NARS2: variants seen among roughly 807,000 people sequenced by gnomAD.
NARS2 encodes asparaginyl-tRNA synthetase 2, mitochondrial, also known as asparaginyl-tRNA synthetase.
Under a neutral mutation model 62.9 loss-of-function variants are expected in NARS2, and 60 were observed. The ratio of observed to expected loss-of-function variants is 0.95; its 90% CI spans 0.77 to 1.18. The LOEUF (loss-of-function observed/expected upper bound fraction) is 1.18. Among genes scored for constraint, NARS2 ranks in the 50% most tolerant of loss-of-function variants. NARS2 has a pLI of 0.00. For missense variants in NARS2, 619 were observed against 576.4 expected (o/e 1.07, Z -0.76); for synonymous variants, 196 against 200.0 (o/e 0.98, Z 0.17).
At chr11:78,442,968 TGTCCTTATAG>T (rs1857620686) in intron 12 of NARS2, among the ~76,000 whole-genome samples, 1 of 152,216 alleles carries the variant, frequency 6.6e-6, no homozygotes, top group Non-Finnish European at 1.5e-5. Context: ...TTTGTCTTTA[TGTCCTTATAG>T]AAGTCTGCCA....
intron 6 of NARS2, among the ~76,000 whole-genome samples, chr11:78,505,776 C>G (rs939234035): frequency 2.0e-5 from 3 of 151,988 alleles, no homozygotes; most frequent in African/African-American, 7.2e-5. Flanking sequence ...TATAAAATCC[C>G]TAGGAAAAAA....
intron 13 of NARS2, among the ~76,000 whole-genome samples, 174 bp downstream of exon 13, chr11:78,440,917 C>T (rs1429887632): frequency 6.6e-6 from 1 of 152,146 alleles, no homozygotes; most frequent in African/African-American, 2.4e-5. Flanking sequence ...TTTTCAAGAA[C>T]CCAAAGGAAG....
chr11:78,514,816 A>G (rs1860844986), intron 6 of NARS2, among the ~76,000 whole-genome samples: 1 of 152,228 alleles, frequency 6.6e-6, no homozygotes, highest in Non-Finnish European at 1.5e-5. Context: ...CACATTAGAC[A>G]GAGACACTAA....
At chr11:78,544,451 C>T (rs183394223) in intron 5 of NARS2, among the ~76,000 whole-genome samples, 14 of 152,216 alleles carry the variant, frequency 9.2e-5, no homozygotes, top group African/African-American at 3.4e-4. Flanking sequence ...AATGCATCTT[C>T]CATGTAAATC....
intron 5 of NARS2, among the ~76,000 whole-genome samples, chr11:78,531,864 T>C (rs1437027003): frequency 6.6e-6 from 1 of 152,058 alleles, no homozygotes; most frequent in Non-Finnish European, 1.5e-5. Flanking sequence ...AGAGTCATGG[T>C]TTGTGTAGAG....
chr11:78,447,084 G>A (rs182336393), intron 11 of NARS2, among the ~76,000 whole-genome samples: 2 of 149,502 alleles, frequency 1.3e-5, no homozygotes, highest in African/African-American at 4.9e-5. Flanking sequence ...ACTAACAGGT[G>A]CAAGAAAAAA....
intron 11 of NARS2, among the ~76,000 whole-genome samples, chr11:78,447,659 A>C (rs1166401466): frequency 6.6e-6 from 1 of 152,194 alleles, no homozygotes; most frequent in East Asian, 1.9e-4. Context: ...ATAAAATACT[A>C]TTCAGCCTTA....
chr11:78,458,528 T>C (rs1187884951), intron 11 of NARS2, among the ~76,000 whole-genome samples: 1 of 152,196 alleles, frequency 6.6e-6, no homozygotes, highest in Non-Finnish European at 1.5e-5. Context: ...TCTAACTCTA[T>C]AGCCACTAGA....
intron 5 of NARS2, among the ~76,000 whole-genome samples, chr11:78,540,933 C>T (rs760812812): frequency 2.6e-5 from 4 of 152,104 alleles, no homozygotes; most frequent in Non-Finnish European, 4.4e-5. Flanking sequence ...CCAAGGTAGG[C>T]GCATCACCTG....
Position 78,469,357 on chromosome 11 carries a change from G to A in NARS2, c.960-44C>T, listed in dbSNP as rs368627038. 857 of 1,434,428 alleles carry A rather than the reference G, an allele frequency of 6.0e-4. 1 individual carries two copies. Among genetic ancestry groups the A allele is most frequent in the Non-Finnish European group, 7.4e-4 (748 of 1,017,152 alleles). 88.9% of individuals were successfully genotyped at this position (1,434,428 alleles called of 1,614,324 possible). ...CAAGCAGAGAAAAGTCAATACAATGGAGCTGCTAACTAGTTCATTTTAAAA... is the reference window on the plus strand; with the variant it reads ...CAAGCAGAGAAAAGTCAATACAATGAAGCTGCTAACTAGTTCATTTTAAAA... On this transcript the variant is annotated intron_variant, in intron 9 of 13. Transcript: ENST00000281038.
chr11:78,536,853 T>A (rs1318551262), intron 5 of NARS2, among the ~76,000 whole-genome samples: 1 of 152,186 alleles, frequency 6.6e-6, no homozygotes, highest in Non-Finnish European at 1.5e-5. Flanking sequence ...CTTCCAGTCT[T>A]GCAATGTCCA....
At chr11:78,528,776 G>A in intron 6 of NARS2, 66 bp downstream of exon 6, 1 of 1,016,028 alleles carries the variant, frequency 9.8e-7, no homozygotes. Context: ...GTTTGAGCAT[G>A]GGAAGGGAAG....
chr11:78,540,916 TGGGAGGCCAA>T (rs71865292), intron 5 of NARS2, among the ~76,000 whole-genome samples: 3,617 of 152,306 alleles, frequency 0.024, 133 homozygotes, highest in African/African-American at 0.082. Flanking sequence ...CCCAGCACTT[TGGGAGGCCAA>T]GGTAGGCGCA....
chr11:78,468,554 G>A (rs771366777), intron 10 of NARS2, among the ~76,000 whole-genome samples: 2 of 150,950 alleles, frequency 1.3e-5, no homozygotes, highest in Non-Finnish European at 3.0e-5. Flanking sequence ...ACAGGCGCCC[G>A]CCACCTCACC....
chr11:78,509,697 C>G (rs185040922), intron 6 of NARS2, among the ~76,000 whole-genome samples: 1 of 151,624 alleles, frequency 6.6e-6, no homozygotes, highest in African/African-American at 2.4e-5. Context: ...ATATCAACAA[C>G]TGAAAGGGGT....
At chr11:78,517,521 G>A (rs1165665081) in intron 6 of NARS2, among the ~76,000 whole-genome samples, 1 of 152,086 alleles carries the variant, frequency 6.6e-6, no homozygotes, top group Non-Finnish European at 1.5e-5. Flanking sequence ...TTTTCATTAA[G>A]ACCTCCAATT....
At chr11:78,564,083 A>G (rs961897552) in intron 4 of NARS2, among the ~76,000 whole-genome samples, 10 of 151,412 alleles carry the variant, frequency 6.6e-5, no homozygotes, top group Admixed American at 2.6e-4. Flanking sequence ...GTATTTTAGT[A>G]AAGACAGGGT....
chr11:78,571,428 A>T lies in NARS2; in HGVS notation c.158T>A (p.Val53Asp). Residue 53 changes from valine to aspartate, a missense_variant, in exon 2 of 14, where the codon GTC (valine) becomes GAC (aspartate). Transcript: ENST00000281038. ...GAACAAGACTTCCTTCTGGGATCGG[A>T]CAGAACGAATCCATCCCTAAGGAAG... is the stretch of plus-strand genomic sequence containing the variant. ...RIKIQGWIRS[V>D]RSQKEVLFLH... 6.2e-7 allele frequency: 1 copy of T among 1,612,460 alleles called. No homozygotes were observed.
intron 7 of NARS2, among the ~76,000 whole-genome samples, chr11:78,491,501 C>A (rs1859817767): frequency 6.6e-6 from 1 of 152,234 alleles, no homozygotes; most frequent in East Asian, 1.9e-4. Flanking sequence ...AAAGGTACTG[C>A]CTTACTCAAG....
Sources: gnomAD v4.1 joint callset for allele counts (sites outside exome capture counted in the v4.1 genomes callset) on GRCh38, gnomAD v4.1.1 for gene constraint, MANE v1.5 for transcripts, NCBI Gene and HGNC (gene_info 2026-07-23, HGNC 2026-07-21) for gene names.